Variants in MYORG observed in about 807,000 individuals in gnomAD.
MYORG encodes the protein alpha-galactosidase MYORG.
In MYORG, 45 loss-of-function variants were observed where a neutral mutation model predicts 49.8. The observed-to-expected ratio is 0.90, with a 90% CI of 0.71 to 1.16. The LOEUF (loss-of-function observed/expected upper bound fraction) is 1.16, where lower values mean the gene tolerates loss of function less well. Ranked by LOEUF, MYORG falls within the 50% of genes most tolerant of loss-of-function variation. The probability of loss-of-function intolerance (pLI) is 0.00; values close to 1 mark genes in which losing one functional copy is unlikely to be tolerated. For missense variants in MYORG, 1,110 were observed against 1,026.5 expected (o/e 1.08, Z -1.11); for synonymous variants, 552 against 462.9 (o/e 1.19, Z -2.47).
At position 34,371,845 on chromosome 9, in the gene MYORG, CATCGAA is replaced by C. The variant is rs1563982016; in HGVS notation, c.1093_1098del (p.Phe365_Asp366del). On this transcript the variant is annotated inframe_deletion, in exon 2 of 2. Transcript: ENST00000297625. ...TCGCTGGCGTTGGGGAATTTGACCT[CATCGAA>C]GTCGAAGTCGCCATAAGCAGGTGTG... The C allele has an allele frequency of 1.9e-6, 3 of 1,614,086 alleles. No homozygotes were observed. The highest frequency in any genetic ancestry group is 1.7e-5 in the Admixed American group (1 of 60,032).
Position 34,371,270 on chromosome 9 carries a change from G to T in MYORG, c.1674C>A (p.Ala558=). The part of the protein sequence containing the change: ...FILPDMVGGN[A]VPQRTAGGDV... ...CGCCGCCGGCTGTCCGCTGGGGCAC[G>T]GCGTTGCCGCCCACCATATCGGGTA... Residue 558 remains alanine (A), a synonymous_variant, in exon 2 of 2, where the codon GCC becomes GCA. Transcript: ENST00000297625. 2 of 1,609,030 alleles carry T rather than the reference G, an allele frequency of 1.2e-6. No individual in the cohort carries two copies.
At position 34,372,606 on chromosome 9, in the gene MYORG, A is replaced by AGGCGGAAGACCT; in HGVS notation, c.326_337dup (p.Gln109_Arg112dup). The AGGCGGAAGACCT allele has an allele frequency of 6.2e-7, 1 of 1,604,558 alleles. No individual in the cohort carries two copies. ...GTCCAGCGCGCCGGAGCGGAAGGCC[A>AGGCGGAAGACCT]GGCGGAAGACCTGCTCTCCCTTCTG... On this transcript the variant is annotated inframe_insertion, in exon 2 of 2. Transcript: ENST00000297625.
chr9:34,372,316 C>A lies in MYORG; in HGVS notation c.628G>T (p.Val210Phe), dbSNP rs375695293. ...TCGGAGGAGTAGACATCGCTGGTGA[C>A]GAACGGCTGGGGCTCCTGCTGGCCA... Reference protein sequence around the residue: ...LDGQQEPQPFVTSDVYSSDAA... With the variant: ...LDGQQEPQPFFTSDVYSSDAA... The change falls in exon 2 of 2, where the codon GTC becomes TTC. Residue 210 changes from valine to phenylalanine, a missense_variant. Transcript: ENST00000297625. The A allele has an allele frequency of 3.7e-6, 6 of 1,608,242 alleles. No individual in the cohort carries two copies. The African/African-American group carries it at 5.3e-5, about 14-fold the overall frequency.
chr9:34,369,430 C>G lies in MYORG; in HGVS notation c.*1369G>C, dbSNP rs1207699846. On this transcript the variant is annotated 3_prime_UTR_variant, in exon 2 of 2. Transcript: ENST00000297625. ...TGGCGTGGTGGCTCATGCCTGTAAT[C>G]CCAACACTTTGGGAGGCCAAGGTGG... The G allele has an allele frequency of 6.6e-6, 1 of 152,146 alleles. No individual in the cohort carries two copies. The highest frequency in any genetic ancestry group is 2.4e-5 in the African/African-American group (1 of 41,412). 9.4% of individuals were successfully genotyped at this position (152,146 alleles called of 1,614,324 possible). A position where few individuals can be genotyped will look rare whatever the true frequency, so the allele number is the denominator to read the frequency against.
rs773443111 is a variant in MYORG, at chr9:34,371,165, G to A, written c.1779C>T (p.Pro593=). 2.5e-6 allele frequency: 4 copies of A among 1,609,952 alleles called. No homozygotes were observed. In the South Asian group the frequency reaches 4.4e-5, roughly 18 times the overall value. The change falls in exon 2 of 2, where the codon CCC becomes CCT. Residue 593 remains proline, a synonymous_variant. Coordinates refer to ENST00000297625, the MANE Select transcript of MYORG (RefSeq NM_020702.5). ...FMPAMQFSIP[P]WRYDAEVVAI... ...CCACCACTTCCGCGTCGTAGCGCCA[G>A]GGCGGGATAGAGAACTGCATGGCCG...
chr9:34,367,316 C>A lies in MYORG; in HGVS notation c.*3483G>T, dbSNP rs1223366485. 2.6e-5 allele frequency: 4 copies of A among 152,108 alleles called. No homozygotes were observed. Among genetic ancestry groups the A allele is most frequent in the African/African-American group, 9.7e-5 (4 of 41,408 alleles). The allele number at this position is 152,108 out of a possible 1,614,324, so 9.4% of individuals were successfully genotyped here. On this transcript the variant is annotated 3_prime_UTR_variant, in exon 2 of 2. Coordinates refer to ENST00000297625, the MANE Select transcript of MYORG (RefSeq NM_020702.5). ...CATATCATTCTCTCCCTGGCCCCTCCCAAATCTCATGTCCTCTCATTTAAA... is the reference window on the plus strand; with the variant it reads ...CATATCATTCTCTCCCTGGCCCCTCACAAATCTCATGTCCTCTCATTTAAA...
In MYORG at chr9:34,367,432, A is replaced by C. The variant is rs1007955045; in HGVS notation, c.*3367T>G. Reference sequence around the variant, plus strand: ...CATACTCCAAAGTCTCATCTGAAACAAGGCAAGTCCCTTCCACCTATGAGC... The same window carrying C: ...CATACTCCAAAGTCTCATCTGAAACCAGGCAAGTCCCTTCCACCTATGAGC... On this transcript the variant is annotated 3_prime_UTR_variant, in exon 2 of 2. Transcript: ENST00000297625. 2 of 152,334 alleles carry C rather than the reference A, an allele frequency of 1.3e-5. No individual in the cohort carries two copies. The highest frequency in any genetic ancestry group is 2.9e-5 in the Non-Finnish European group (2 of 68,040). 9.4% of individuals were successfully genotyped at this position (152,334 alleles called of 1,614,324 possible).
chr9:34,366,794 A>G lies in MYORG; in HGVS notation c.*4005T>C, dbSNP rs1254994723. 1 of 152,218 alleles carries G rather than the reference A, an allele frequency of 6.6e-6. No individual in the cohort carries two copies. The highest frequency in any genetic ancestry group is 2.4e-5 in the African/African-American group (1 of 41,442). 9.4% of individuals were successfully genotyped at this position (152,218 alleles called of 1,614,324 possible). On this transcript the variant is annotated 3_prime_UTR_variant, in exon 2 of 2. Transcript: ENST00000297625. ...ATTATCACCATTTGACATATGAGAAAACAGAGGCTTAGCAAGGTTAAGCGG... is the reference window on the plus strand; with the variant it reads ...ATTATCACCATTTGACATATGAGAAGACAGAGGCTTAGCAAGGTTAAGCGG...
chr9:34,372,422 G>T lies in MYORG; in HGVS notation c.522C>A (p.His174Gln). The change falls in exon 2 of 2, where the codon CAC (histidine) becomes CAA (glutamine). Residue 174 changes from histidine to glutamine, a missense_variant. Transcript: ENST00000297625. ...CCGCCGCGTCGCCCAAGAACATGGC[G>T]TGCTCCACGGCCCGGCCCGGCGCTG... ...EEAAPGRAVE[H>Q]AMFLGDAAAH... 6.3e-7 allele frequency: 1 copy of T among 1,582,236 alleles called. No homozygotes were observed. The highest frequency in any genetic ancestry group is 1.3e-5 in the African/African-American group (1 of 74,334).
intron 1 of MYORG, among the ~76,000 whole-genome samples, chr9:34,375,221 C>T (rs78853136): frequency 0.014 from 2,179 of 152,230 alleles, 61 homozygotes; most frequent in African/African-American, 0.05. Context: ...TTTTTCACCT[C>T]CCCCATGCAA....
Position 34,372,449 on chromosome 9 carries a change from C to G in MYORG, c.495G>C (p.Glu165Asp), listed in dbSNP as rs896783734. The change falls in exon 2 of 2, where the codon GAG becomes GAC. Residue 165 changes from glutamate to aspartate, a missense_variant. Transcript: ENST00000297625. ...TVMCYRVRWE[E>D]AAPGRAVEHA... The stretch of plus-strand genomic sequence containing the variant: ...GCTCCACGGCCCGGCCCGGCGCTGC[C>G]TCCTCCCAGCGCACGCGGTAGCACA... The G allele has an allele frequency of 6.3e-7, 1 of 1,585,060 alleles. No homozygotes were observed. The highest frequency in any genetic ancestry group is 8.6e-7 in the Non-Finnish European group (1 of 1,166,964).
rs1246207155 is a variant in MYORG, at chr9:34,376,726, G to C, written c.-64+67C>G. 1 of 152,296 alleles carries C rather than the reference G, an allele frequency of 6.6e-6. No individual in the cohort carries two copies. The highest frequency in any genetic ancestry group is 1.5e-5 in the Non-Finnish European group (1 of 68,100). The allele number at this position is 152,296 out of a possible 1,614,324, so 9.4% of individuals were successfully genotyped here. On this transcript the variant is annotated intron_variant, in intron 1 of 1. Transcript: ENST00000297625. The surrounding 1 kb of genome is among the most constrained non-coding windows in gnomAD (Gnocchi z 4.4). ...TCGCTCCACCCATTCATCGGTGGGA[G>C]CGAAAGTTCAGGAATCGTGCTCCTT...
At chr9:34,374,350 T>C (rs1278029612) in intron 1 of MYORG, among the ~76,000 whole-genome samples, 7 of 152,202 alleles carry the variant, frequency 4.6e-5, no homozygotes, top group Admixed American at 4.6e-4. Flanking sequence ...TAAAAGTGTT[T>C]GCTTTGCACT....
In MYORG at chr9:34,370,802, G is replaced by C; in HGVS notation, c.2142C>G (p.Ser714=). 1.3e-6 allele frequency: 2 copies of C among 1,571,960 alleles called. No homozygotes were observed. Among genetic ancestry groups the C allele is most frequent in the Non-Finnish European group, 1.7e-6 (2 of 1,153,366 alleles). The part of the protein sequence containing the change: ...LDEIAYFTWA[S] ...GGTTACCGGGCCCTGGGCTGGGTCA[G>C]GACGCCCAGGTAAAGTAGGCGATCT... Residue 714 remains serine, a synonymous_variant, in exon 2 of 2, where the codon TCC becomes TCG. Transcript: ENST00000297625.
At position 34,372,820 on chromosome 9, in the gene MYORG, T is replaced by C; in HGVS notation, c.124A>G (p.Asn42Asp). The C allele has an allele frequency of 6.2e-7, 1 of 1,614,000 alleles. No individual in the cohort carries two copies. The highest frequency in any genetic ancestry group is 8.5e-7 in the Non-Finnish European group (1 of 1,179,884). ...GGCTTGGGCTTGGCAGGTGAGAAGT[T>C]GTCGGGCAGGAAGGTGTACATAGCT... ...AAAMYTFLPD[N>D]FSPAKPKPSK... The change falls in exon 2 of 2, where the codon AAC (asparagine) becomes GAC (aspartate). Residue 42 changes from asparagine to aspartate, a missense_variant. Transcript: ENST00000297625.
Position 34,372,624 on chromosome 9 carries a change from C to T in MYORG, c.320G>A (p.Gly107Glu), listed in dbSNP as rs373554419. ...GAAGGCCAGGCGGAAGACCTGCTCT[C>T]CCTTCTGATTGCGGATGGAGAAGCC... is the stretch of plus-strand genomic sequence containing the variant. ...AGGFSIRNQK[G>E]EQVFRLAFRS... The change falls in exon 2 of 2, where the codon GGA (glycine) becomes GAA (glutamate). Residue 107 changes from glycine (G) to glutamate (E), a missense_variant. Physicochemically the swap from Gly to Glu is moderately conservative, Grantham distance 98 (BLOSUM62 -2). Coordinates refer to ENST00000297625, the MANE Select transcript of MYORG (RefSeq NM_020702.5). 2.5e-6 allele frequency: 4 copies of T among 1,606,282 alleles called. No homozygotes were observed. In the African/African-American group the frequency reaches 4.0e-5, roughly 16 times the overall value.
In MYORG at chr9:34,376,519, C is replaced by T. The variant is rs1820722110; in HGVS notation, c.-64+274G>A. Among the ~76,000 whole-genome samples, 1 of 152,234 alleles carries T rather than the reference C, an allele frequency of 6.6e-6. No homozygotes were observed. The highest frequency in any genetic ancestry group is 1.5e-5 in the Non-Finnish European group (1 of 68,048). On this transcript the variant is annotated intron_variant, in intron 1 of 1. Coordinates refer to ENST00000297625, the MANE Select transcript of MYORG (RefSeq NM_020702.5). The surrounding 1 kb of genome is among the most constrained non-coding windows in gnomAD (Gnocchi z 4.4). ...AAGGCAACTCGATCCGGCCCATCTC[C>T]CTCTCCTGCCAGGCGACGGTATCCG...
Position 34,369,872 on chromosome 9 carries a change from G to T in MYORG, c.*927C>A, listed in dbSNP as rs985546488. On this transcript the variant is annotated 3_prime_UTR_variant, in exon 2 of 2. Coordinates refer to ENST00000297625, the MANE Select transcript of MYORG (RefSeq NM_020702.5). ...GCTATTTATTTCCTACGAGAGTCCT[G>T]GGGAAACCGCCTGGGAGGAGGCTGG... The T allele has an allele frequency of 6.6e-6, 1 of 152,198 alleles. No individual in the cohort carries two copies. Among genetic ancestry groups the T allele is most frequent in the African/African-American group, 2.4e-5 (1 of 41,426 alleles). The allele number at this position is 152,198 out of a possible 1,614,324, so 9.4% of individuals were successfully genotyped here. A position where few individuals can be genotyped will look rare whatever the true frequency, so the allele number is the denominator to read the frequency against.
chr9:34,371,038 G>A lies in MYORG; in HGVS notation c.1906C>T (p.Pro636Ser). 1.2e-6 allele frequency: 2 copies of A among 1,613,018 alleles called. No individual in the cohort carries two copies. The highest frequency in any genetic ancestry group is 2.2e-5 in the East Asian group (1 of 44,882). Residue 636 changes from proline (P) to serine (S), a missense_variant, in exon 2 of 2, where the codon CCC (proline) becomes TCC (serine). Physicochemically the swap from Pro to Ser is moderately conservative, Grantham distance 74. Coordinates refer to ENST00000297625, the MANE Select transcript of MYORG (RefSeq NM_020702.5). ...TCGCCGGGCGCAATCCACCAAAGGG[G>A]GCGCACGATAGGGTCACCCGTGTCG... is the stretch of plus-strand genomic sequence containing the variant. ...VTDTGDPIVR[P>S]LWWIAPGDET...
Sources: gnomAD v4.1 joint callset for allele counts (sites outside exome capture counted in the v4.1 genomes callset) on GRCh38, gnomAD v4.1.1 for gene constraint, Gnocchi (gnomAD v3.1) non-coding constraint, MANE v1.5 for transcripts, NCBI Gene and HGNC (gene_info 2026-07-23, HGNC 2026-07-21) for gene names.